Variants in PTPRD observed in about 807,000 individuals in gnomAD.
PTPRD encodes the protein protein tyrosine phosphatase receptor type D.
In PTPRD, 34 loss-of-function variants were observed where a neutral mutation model predicts 214.5. The ratio of observed to expected loss-of-function variants is 0.16; its 90% CI spans 0.12 to 0.21. The LOEUF (loss-of-function observed/expected upper bound fraction) is 0.21. PTPRD is among the 10% of genes least tolerant of loss of function. The pLI is 1.00. For missense variants in PTPRD, 2,545 were observed against 2,398.7 expected (o/e 1.06, Z -1.27); for synonymous variants, 1,128 against 845.7 (o/e 1.33, Z -5.79).
intron 9 of PTPRD, among the ~76,000 whole-genome samples, chr9:9,288,181 C>A (rs1030982984): frequency 6.6e-6 from 1 of 151,620 alleles, no homozygotes; most frequent in East Asian, 2.0e-4. Context: ...AAGATTTTTT[C>A]TTCATTATAT....
chr9:10,030,858 G>A (rs1398896851), intron 4 of PTPRD, among the ~76,000 whole-genome samples: 1 of 152,172 alleles, frequency 6.6e-6, no homozygotes, highest in African/African-American at 2.4e-5. Flanking sequence ...TTATTCACAA[G>A]CAACCTTGAA....
At chr9:9,204,013 G>A (rs910683401) in intron 9 of PTPRD, among the ~76,000 whole-genome samples, 3 of 152,104 alleles carry the variant, frequency 2.0e-5, no homozygotes, top group Non-Finnish European at 2.9e-5. Context: ...GATTAAATTG[G>A]GAACACTGAG....
chr9:10,060,787 T>TCTTTCTTTCTTTCTTC (rs1480261676), intron 3 of PTPRD, among the ~76,000 whole-genome samples: 1 of 126,876 alleles, frequency 7.9e-6, no homozygotes. Context: ...TTTCTTTCTT[T>TCTTTCTTTCTTTCTTC]CTTTCTTTCT....
At chr9:9,874,891 T>C (rs1034119998) in intron 5 of PTPRD, among the ~76,000 whole-genome samples, 3 of 152,142 alleles carry the variant, frequency 2.0e-5, no homozygotes, top group African/African-American at 7.2e-5. Context: ...GCTAGAAATA[T>C]AAAATACTTT....
intron 4 of PTPRD, among the ~76,000 whole-genome samples, chr9:9,967,270 T>G (rs1444718320): frequency 6.7e-6 from 1 of 149,976 alleles, no homozygotes; most frequent in Non-Finnish European, 1.5e-5. Context: ...CTACACTGAA[T>G]GTTAGCAATT....
At chr9:9,702,476 T>C (rs1000711246) in intron 7 of PTPRD, among the ~76,000 whole-genome samples, 5 of 152,270 alleles carry the variant, frequency 3.3e-5, no homozygotes, top group Middle Eastern at 6.8e-3. Flanking sequence ...TGGCTGGAGG[T>C]ACCAGTGATC....
At chr9:9,889,044 C>T (rs893946889) in intron 5 of PTPRD, among the ~76,000 whole-genome samples, 3 of 152,026 alleles carry the variant, frequency 2.0e-5, no homozygotes, top group African/African-American at 7.3e-5. Flanking sequence ...CATGATCTCA[C>T]TCATATGTGG....
At chr9:9,196,493 A>G (rs1320678413) in intron 9 of PTPRD, among the ~76,000 whole-genome samples, 2 of 152,184 alleles carry the variant, frequency 1.3e-5, no homozygotes, top group Admixed American at 1.3e-4. Context: ...ATAAGGAATG[A>G]TTCAATAATT....
At chr9:8,803,386 C>A (rs1386954665) in intron 11 of PTPRD, among the ~76,000 whole-genome samples, 1 of 152,162 alleles carries the variant, frequency 6.6e-6, no homozygotes, top group East Asian at 1.9e-4. Flanking sequence ...ATTAGTTTTG[C>A]CGATGAGAAA....
At chr9:9,652,518 A>T (rs2096388934) in intron 7 of PTPRD, among the ~76,000 whole-genome samples, 1 of 152,094 alleles carries the variant, frequency 6.6e-6, no homozygotes, top group Non-Finnish European at 1.5e-5. Flanking sequence ...TAATACCTTT[A>T]TTGCCTATCT....
At chr9:10,187,372 C>T (rs965080932) in intron 3 of PTPRD, among the ~76,000 whole-genome samples, 1 of 152,066 alleles carries the variant, frequency 6.6e-6, no homozygotes, top group Non-Finnish European at 1.5e-5. Context: ...TATTTAGGAT[C>T]CTGACTTTTA....
At chr9:8,947,217 A>C (rs1367453307) in intron 11 of PTPRD, among the ~76,000 whole-genome samples, 3 of 151,740 alleles carry the variant, frequency 2.0e-5, no homozygotes, top group Non-Finnish European at 4.4e-5. Context: ...TAATCCTAGC[A>C]CTTTGGGAGG....
chr9:10,111,104 G>A (rs2098687477), intron 3 of PTPRD, among the ~76,000 whole-genome samples: 1 of 151,930 alleles, frequency 6.6e-6, no homozygotes. Flanking sequence ...TTTGTAAAAA[G>A]GGGAGAATAC....
At chr9:9,417,876 A>G (rs2142267843) in intron 8 of PTPRD, among the ~76,000 whole-genome samples, 1 of 152,178 alleles carries the variant, frequency 6.6e-6, no homozygotes, top group African/African-American at 2.4e-5. Context: ...ATGTGAAATC[A>G]TTTCATTTCA....
At chr9:9,798,663 C>A (rs1598167012) in intron 5 of PTPRD, among the ~76,000 whole-genome samples, 1 of 151,972 alleles carries the variant, frequency 6.6e-6, no homozygotes, top group African/African-American at 2.4e-5. Flanking sequence ...CATGCAGCAG[C>A]CTAGAAGTAG....
chr9:8,800,080 G>T (rs983742490), intron 11 of PTPRD, among the ~76,000 whole-genome samples: 1 of 151,750 alleles, frequency 6.6e-6, no homozygotes, highest in African/African-American at 2.4e-5. Context: ...ATTTGTCAAG[G>T]CTCCAAAGGT....
At chr9:9,242,628 C>G (rs1255115568) in intron 9 of PTPRD, among the ~76,000 whole-genome samples, 1 of 152,112 alleles carries the variant, frequency 6.6e-6, no homozygotes, top group Non-Finnish European at 1.5e-5. Flanking sequence ...TCCAGTTGAT[C>G]GAATCAGCTA....
chr9:8,747,820 G>A (rs1000041161), intron 11 of PTPRD, among the ~76,000 whole-genome samples: 3 of 152,136 alleles, frequency 2.0e-5, no homozygotes, highest in Non-Finnish European at 4.4e-5. Context: ...ACTAGACCAG[G>A]CCTTTTCAAA....
intron 11 of PTPRD, chr9:8,936,078 G>A (rs2098994873): frequency 6.6e-6 from 1 of 152,100 alleles, no homozygotes; most frequent in Admixed American, 6.6e-5. Context: ...TCGGATAACA[G>A]AAGACATCTT....
Sources: allele counts gnomAD v4.1 joint callset (sites outside exome capture counted in the v4.1 genomes callset), GRCh38; gene constraint gnomAD v4.1.1; transcripts MANE v1.5; gene names NCBI Gene and HGNC (gene_info 2026-07-23, HGNC 2026-07-21).